Variants in GAS5 observed in about 807,000 individuals in gnomAD.
GAS5 encodes growth arrest specific 5 (non-protein coding).
At chr1:173,868,037 TC>T, upstream of GAS5, 1 of 177,010 alleles carries the variant, frequency 5.6e-6, no homozygotes, top group Non-Finnish European at 1.2e-5. Context: ...TTTGATGACG[TC>T]ACGACGCACG....
intron 3 of GAS5, chr1:173,866,474 T>C: frequency 3.1e-6 from 2 of 643,030 alleles, no homozygotes; most frequent in South Asian, 3.0e-5. Context: ...CATCATTGCT[T>C]TGGCTATTTT....
chr1:173,867,518 G>T, upstream of GAS5: 3 of 380,328 alleles, frequency 7.9e-6, no homozygotes, highest in South Asian at 5.7e-5. Context: ...TCTCAAAAAA[G>T]AAAAAAGAAA....
chr1:173,863,993 G>T (rs936604775), intron 7 of GAS5: 4 of 335,200 alleles, frequency 1.2e-5, no homozygotes, highest in African/African-American at 8.5e-5. Context: ...CCACTGGGAG[G>T]CTGAGGATCA....
chr1:173,867,357 TAAA>T, upstream of GAS5: 1 of 368,268 alleles, frequency 2.7e-6, no homozygotes, highest in Non-Finnish European at 5.1e-6. Context: ...CCGTCTCTAC[TAAA>T]AATATAAAAG....
At chr1:173,865,699 A>C (rs767778804) in intron 5 of GAS5, 1 of 519,270 alleles carries the variant, frequency 1.9e-6, no homozygotes, top group South Asian at 1.4e-5. Context: ...ACCCCGTTCC[A>C]AACATGCTCA....
At chr1:173,866,953 G>C (rs968607578) in intron 1 of GAS5, 1 of 765,446 alleles carries the variant, frequency 1.3e-6, no homozygotes, top group Non-Finnish European at 2.4e-6. Context: ...CCACCTCTTA[G>C]ATTTCATTCT....
intron 3 of GAS5, chr1:173,866,498 AG>A (rs1247170564): frequency 4.5e-6 from 3 of 670,204 alleles, no homozygotes; most frequent in African/African-American, 3.5e-5. Context: ...ATCCCTTAAA[AG>A]TGAGAAGTAC....
At chr1:173,864,852 A>G (rs1465945529) in intron 6 of GAS5, 1 of 519,208 alleles carries the variant, frequency 1.9e-6, no homozygotes, top group Non-Finnish European at 3.8e-6. Flanking sequence ...GGAGCGAAAG[A>G]CTTAATATTG....
chr1:173,865,075 T>A, intron 6 of GAS5: 1 of 352,366 alleles, frequency 2.8e-6, no homozygotes, highest in Non-Finnish European at 5.5e-6. Context: ...GTCACATGCC[T>A]GTAATCCCAG....
chr1:173,865,597 C>CT (rs780399356), intron 5 of GAS5: 13 of 519,062 alleles, frequency 2.5e-5, no homozygotes, highest in African/African-American at 2.5e-4. Context: ...TCATTAAACT[C>CT]TTTTCAAAGT....
chr1:173,864,177 A>G, intron 7 of GAS5: 1 of 518,332 alleles, frequency 1.9e-6, no homozygotes, highest in Non-Finnish European at 3.9e-6. Context: ...GTCATCAAGT[A>G]ATCAGTGAGA....
chr1:173,866,944 C>T, intron 1 of GAS5: 1 of 765,374 alleles, frequency 1.3e-6, no homozygotes, highest in Non-Finnish European at 2.4e-6. Context: ...AGGCTGAGAC[C>T]ACCTCTTAGA....
chr1:173,864,520 AAAAAT>A, intron 6 of GAS5: 1 of 441,490 alleles, frequency 2.3e-6, no homozygotes, highest in South Asian at 1.6e-5. Context: ...TTTGAAGATG[AAAAAT>A]AATACCCATT....
intron 4 of GAS5, chr1:173,866,048 T>C (rs1481177962): frequency 1.9e-6 from 1 of 519,076 alleles, no homozygotes; most frequent in African/African-American, 1.9e-5. Context: ...CAAACTTTCT[T>C]ATTAATCATA....
chr1:173,865,712 G>A (rs762451946), intron 5 of GAS5: 4 of 519,148 alleles, frequency 7.7e-6, no homozygotes, highest in Admixed American at 1.9e-5. Flanking sequence ...CATGCTCAAG[G>A]AAAACACATA....
At chr1:173,864,753 A>T in intron 6 of GAS5, 1 of 511,974 alleles carries the variant, frequency 2.0e-6, no homozygotes, top group Non-Finnish European at 3.9e-6. Context: ...TACAATTAGG[A>T]GTAATCCAAA....
At chr1:173,866,610 T>C in intron 2 of GAS5, 1 of 763,894 alleles carries the variant, frequency 1.3e-6, no homozygotes, top group Non-Finnish European at 2.4e-6. Flanking sequence ...GTACTCTCTA[T>C]GTTCCCCAAC....
At chr1:173,864,688 A>G in intron 6 of GAS5, 2 of 424,428 alleles carry the variant, frequency 4.7e-6, no homozygotes, top group South Asian at 1.7e-5. Flanking sequence ...CATTTCTTCA[A>G]TCATGAATTC....
intron 4 of GAS5, chr1:173,866,174 T>C (rs1201019056): frequency 2.8e-5 from 13 of 466,364 alleles, no homozygotes; most frequent in Non-Finnish European, 5.6e-5. Context: ...CAGTTTCACT[T>C]ACCATTTCAA....
Sources: gnomAD v4.1 joint callset for allele counts on GRCh38, gnomAD v4.1.1 for gene constraint, MANE v1.5 for transcripts, NCBI Gene and HGNC (gene_info 2026-07-23, HGNC 2026-07-21) for gene names.